Variants in PHF21A observed in about 807,000 individuals in gnomAD.
The protein encoded by PHF21A is PHD finger protein 21A, also known as BHC80a.
Under a neutral mutation model 82.5 loss-of-function variants are expected in PHF21A, and 11 were observed. The observed-to-expected ratio is 0.13, with a 90% CI of 0.08 to 0.22. The LOEUF (loss-of-function observed/expected upper bound fraction) is 0.22, where lower values mean the gene tolerates loss of function less well. PHF21A is among the 10% of genes least tolerant of loss of function. The pLI, the probability that PHF21A is intolerant of heterozygous loss-of-function variation, is 1.00. For synonymous variants in PHF21A, 297 were observed against 302.8 expected (o/e 0.98, Z 0.20); for missense variants, 579 against 837.8 (o/e 0.69, Z 3.81).
chr11:46,036,204 T>A (rs1436762343), intron 6 of PHF21A, among the ~76,000 whole-genome samples: 10 of 152,172 alleles, frequency 6.6e-5, no homozygotes, highest in Admixed American at 6.5e-4. Flanking sequence ...ATGTTTAAGA[T>A]TCTGGCTTTT....
chr11:45,997,681 A>G (rs2094955753), intron 6 of PHF21A, among the ~76,000 whole-genome samples: 2 of 152,222 alleles, frequency 1.3e-5, no homozygotes, highest in Non-Finnish European at 2.9e-5. Context: ...CACGTTAAGA[A>G]TCAGACAAAA....
intron 6 of PHF21A, among the ~76,000 whole-genome samples, chr11:46,026,502 T>C (rs1026171716): frequency 3.3e-5 from 5 of 152,178 alleles, no homozygotes; most frequent in African/African-American, 4.8e-5. Flanking sequence ...AGGGAGAGCA[T>C]TGAGACTTTT....
In PHF21A at chr11:45,984,751, C is replaced by A. The variant is rs558066901; in HGVS notation, c.154-4785G>T. On this transcript the variant is annotated intron_variant, in intron 6 of 18. Transcript: ENST00000676320. ...CTTCTCTCAAAAGAAACTCCAAGAC[C>A]CTGCCCTCCACAACTGGATGTCAGT... is the stretch of plus-strand genomic sequence containing the variant. Among the ~76,000 whole-genome samples the A allele has an allele frequency of 4.6e-5, 7 of 152,258 alleles. No homozygotes were observed. In the East Asian group the frequency reaches 1.2e-3, roughly 25 times the overall value.
chr11:46,079,076 TTTTA>T, intron 5 of PHF21A, 54 bp downstream of exon 5: 1 of 1,099,520 alleles, frequency 9.1e-7, no homozygotes. Context: ...TTTATGGTGA[TTTTA>T]TTTTAAATTA....
intron 7 of PHF21A, among the ~76,000 whole-genome samples, chr11:45,973,368 C>T (rs1285866339): frequency 1.3e-5 from 2 of 152,192 alleles, no homozygotes; most frequent in Non-Finnish European, 2.9e-5. Context: ...TGCTTTTCTA[C>T]TTAGGGGTAT....
At chr11:45,941,702 T>C (rs1001798089) in intron 15 of PHF21A, among the ~76,000 whole-genome samples, 20 of 152,172 alleles carry the variant, frequency 1.3e-4, no homozygotes, top group African/African-American at 4.8e-4. Flanking sequence ...CAGGTCAAAA[T>C]GCTTAGGCTT....
chr11:46,020,133 A>T (rs2095600784), intron 6 of PHF21A, among the ~76,000 whole-genome samples: 1 of 152,166 alleles, frequency 6.6e-6, no homozygotes, highest in South Asian at 2.1e-4. Flanking sequence ...TCTACCACTC[A>T]AAAGTAATCA....
chr11:45,955,756 G>A (rs1184320676), intron 10 of PHF21A, among the ~76,000 whole-genome samples: 1 of 152,146 alleles, frequency 6.6e-6, no homozygotes, highest in Non-Finnish European at 1.5e-5. Context: ...TTCCTTCGTG[G>A]ATCTCTTGCT....
At chr11:45,946,510 C>A (rs950706257) in intron 14 of PHF21A, among the ~76,000 whole-genome samples, 1 of 152,070 alleles carries the variant, frequency 6.6e-6, no homozygotes, top group African/African-American at 2.4e-5. Flanking sequence ...CAGCCTCCCA[C>A]GTAGCTGGGA....
intron 6 of PHF21A, among the ~76,000 whole-genome samples, chr11:46,068,602 GGCCTTT>G (rs2096621505): frequency 6.6e-6 from 1 of 151,974 alleles, no homozygotes; most frequent in African/African-American, 2.4e-5. Context: ...CCACAAACTT[GGCCTTT>G]GATTTGATAT....
chr11:46,003,159 TA>T (rs2095194603), intron 6 of PHF21A, among the ~76,000 whole-genome samples: 1 of 152,132 alleles, frequency 6.6e-6, no homozygotes, highest in African/African-American at 2.4e-5. Flanking sequence ...AGAATCTTTT[TA>T]AAGCTCAGAT....
chr11:45,945,027 T>C (rs571423603), intron 15 of PHF21A, among the ~76,000 whole-genome samples: 1 of 152,262 alleles, frequency 6.6e-6, no homozygotes, highest in African/African-American at 2.4e-5. Flanking sequence ...CCTCCCAAAG[T>C]GTTGGGATTA....
intron 1 of PHF21A, among the ~76,000 whole-genome samples, chr11:46,093,945 G>C (rs2096958965): frequency 1.3e-5 from 2 of 152,080 alleles, no homozygotes; most frequent in Non-Finnish European, 2.9e-5. Flanking sequence ...GGAAAAGACT[G>C]ATAAATTGGA....
intron 18 of PHF21A, 133 bp from the exon 19 acceptor site, chr11:45,934,358 TTGCTG>T (rs2088268962): frequency 1.1e-6 from 1 of 913,926 alleles, no homozygotes; most frequent in African/African-American, 1.7e-5. Flanking sequence ...CCCCTGGGCC[TTGCTG>T]TGTTCCTCAG....
intron 6 of PHF21A, among the ~76,000 whole-genome samples, chr11:46,021,686 C>T (rs1004090224): frequency 6.6e-6 from 1 of 152,094 alleles, no homozygotes; most frequent in Non-Finnish European, 1.5e-5. Flanking sequence ...AGACTATAGG[C>T]ACACACCACT....
rs150425973 is a variant in PHF21A, at chr11:45,934,176, T to C, written c.1838A>G (p.His613Arg). The change falls in exon 19 of 19, where the codon CAC becomes CGC. Residue 613 changes from histidine to arginine, a missense_variant. Coordinates refer to ENST00000676320, the MANE Select transcript of PHF21A (RefSeq NM_001352027.3). The part of the protein sequence containing the change: ...NTILARQKEM[H>R]SSLEKVKQLI... ...CTGTTTTACCTTCTCCAGGGAGCTGTGCATCTCCTTCTGCCGGGCCAGGAT... is the reference window on the plus strand; with the variant it reads ...CTGTTTTACCTTCTCCAGGGAGCTGCGCATCTCCTTCTGCCGGGCCAGGAT... 1.2e-6 allele frequency: 2 copies of C among 1,614,036 alleles called. No individual in the cohort carries two copies. Among genetic ancestry groups the C allele is most frequent in the Middle Eastern group, 3.3e-4 (2 of 6,060 alleles).
At chr11:46,093,872 A>T (rs532969305) in intron 1 of PHF21A, among the ~76,000 whole-genome samples, 82 of 152,302 alleles carry the variant, frequency 5.4e-4, no homozygotes, top group African/African-American at 1.9e-3. Flanking sequence ...ACTTTCTGGA[A>T]CTGTTTTCAT....
intron 6 of PHF21A, among the ~76,000 whole-genome samples, chr11:46,035,653 G>A (rs1019219803): frequency 6.6e-6 from 1 of 152,200 alleles, no homozygotes; most frequent in African/African-American, 2.4e-5. Flanking sequence ...ATAGGTCAGA[G>A]AAGGCCTCTA....
chr11:45,958,300 C>T (rs2092810796), intron 10 of PHF21A, among the ~76,000 whole-genome samples: 1 of 141,986 alleles, frequency 7.0e-6, no homozygotes, highest in African/African-American at 2.6e-5. Context: ...AGAAAATGGG[C>T]TGGGCGTGGT....
Sources: allele counts gnomAD v4.1 joint callset (sites outside exome capture counted in the v4.1 genomes callset), GRCh38; gene constraint gnomAD v4.1.1; transcripts MANE v1.5; gene names NCBI Gene and HGNC (gene_info 2026-07-23, HGNC 2026-07-21).